TMEM272: variants seen among roughly 807,000 people sequenced by gnomAD.
TMEM272 encodes long intergenic non-protein coding RNA 282.
A neutral mutation model predicts 3.7 loss-of-function variants in TMEM272; 8 were observed. The observed-to-expected ratio is 2.17, with a 90% confidence interval of 1.27 to 3.91. The LOEUF (loss-of-function observed/expected upper bound fraction) is 3.91. TMEM272 is among the 30% of genes most tolerant of loss of function. The probability of loss-of-function intolerance (pLI) is 0.00; values close to 1 mark genes in which losing one functional copy is unlikely to be tolerated. For synonymous variants in TMEM272, 63 were observed against 39.8 expected (o/e 1.58, Z -2.20); for missense variants, 166 against 91.5 (o/e 1.81, Z -3.32).
the TMEM272 span, among the ~76,000 whole-genome samples, chr13:51,876,170 A>T: frequency 6.6e-6 from 1 of 152,192 alleles, no homozygotes; most frequent in Non-Finnish European, 1.5e-5. Flanking sequence ...GGAACCATTT[A>T]TCAGTGCATT....
chr13:51,851,726 T>G, the TMEM272 span, among the ~76,000 whole-genome samples: 5 of 152,206 alleles, frequency 3.3e-5, no homozygotes, highest in African/African-American at 1.2e-4. Flanking sequence ...GGTTTCACTA[T>G]GTTGGCCAGG....
chr13:51,844,243 C>G (rs1471078670), intron 1 of TMEM272, among the ~76,000 whole-genome samples: 1 of 151,744 alleles, frequency 6.6e-6, no homozygotes, highest in East Asian at 1.9e-4. Context: ...TAGACACACA[C>G]ACATATATAT....
intron 2 of TMEM272, among the ~76,000 whole-genome samples, chr13:51,836,648 C>T (rs969337302): frequency 7.9e-5 from 12 of 152,178 alleles, no homozygotes; most frequent in African/African-American, 2.9e-4. Context: ...TGTATGATTA[C>T]TATTTTATTC....
chr13:51,845,875 G>C (rs1206185172), upstream of TMEM272, among the ~76,000 whole-genome samples: 2 of 152,252 alleles, frequency 1.3e-5, no homozygotes, highest in African/African-American at 4.8e-5. Context: ...ACTCTGCTAA[G>C]TCTCCTGTAG....
chr13:51,879,350 C>T, the TMEM272 span, among the ~76,000 whole-genome samples: 7 of 32,272 alleles, frequency 2.2e-4, no homozygotes, highest in African/African-American at 6.2e-4. Flanking sequence ...CTTATGTTAG[C>T]TCATGTTCCT....
At chr13:51,865,465 G>A in the TMEM272 span, 1 of 1,614,186 alleles carries the variant, frequency 6.2e-7, no homozygotes, top group Admixed American at 1.7e-5. Context: ...TCCGGTCCCT[G>A]GCGGCATCCT....
chr13:51,895,972 C>T, the TMEM272 span, among the ~76,000 whole-genome samples: 2 of 152,180 alleles, frequency 1.3e-5, no homozygotes, highest in African/African-American at 2.4e-5. Flanking sequence ...CCTCTTCTAA[C>T]AGCTGCCTGA....
At chr13:51,869,724 G>A in the TMEM272 span, among the ~76,000 whole-genome samples, 7 of 152,000 alleles carry the variant, frequency 4.6e-5, no homozygotes, top group African/African-American at 1.2e-4. Context: ...TCCTGACCTC[G>A]TGATCCGCCC....
the TMEM272 span, among the ~76,000 whole-genome samples, chr13:51,880,338 G>C: frequency 5.3e-5 from 8 of 151,478 alleles, no homozygotes; most frequent in African/African-American, 1.9e-4. Flanking sequence ...AAAGACTGAG[G>C]ATCTATTGAA....
At chr13:51,889,490 G>A in the TMEM272 span, among the ~76,000 whole-genome samples, 1 of 152,312 alleles carries the variant, frequency 6.6e-6, no homozygotes, top group Middle Eastern at 3.4e-3. Context: ...ATGAGAAAGT[G>A]GCCATCTGCA....
chr13:51,927,988 C>T, the TMEM272 span, among the ~76,000 whole-genome samples: 19 of 152,064 alleles, frequency 1.2e-4, no homozygotes, highest in African/African-American at 4.3e-4. Context: ...TCGGGTCTGC[C>T]CCAACTCCAA....
At chr13:51,902,666 C>T in the TMEM272 span, among the ~76,000 whole-genome samples, 85 of 152,330 alleles carry the variant, frequency 5.6e-4, no homozygotes, top group African/African-American at 1.9e-3. Flanking sequence ...CTCAGTCAAG[C>T]CTGCAGGTCA....
rs562979311 is a variant in TMEM272, at chr13:51,820,647, G to A, written c.201+1408C>T. Among the ~76,000 whole-genome samples the A allele has an allele frequency of 2.6e-5, 4 of 152,312 alleles. No homozygotes were observed. The East Asian group carries it at 5.8e-4, about 22-fold the overall frequency. On this transcript the variant is annotated intron_variant, in intron 4 of 4. Coordinates refer to ENST00000629372, the MANE Select transcript of TMEM272 (RefSeq NM_001351003.2). ...GGAAAGTTCTGCTGGGCAGCTTGAC[G>A]ATGAGTGAGAACAGGAGAGGCAGAG...
At chr13:51,879,744 C>T in the TMEM272 span, among the ~76,000 whole-genome samples, 146,561 of 152,308 alleles carry the variant, frequency 0.96, 70,533 homozygotes, top group East Asian at 1. Flanking sequence ...GACTTGCAAA[C>T]GGGCATCGTC....
At chr13:51,867,356 G>C in the TMEM272 span, among the ~76,000 whole-genome samples, 1 of 152,236 alleles carries the variant, frequency 6.6e-6, no homozygotes, top group Non-Finnish European at 1.5e-5. Flanking sequence ...CACAGTGTCT[G>C]TCTCTTGGTA....
intron 2 of TMEM272, among the ~76,000 whole-genome samples, chr13:51,833,781 A>C (rs374973282): frequency 6.6e-6 from 1 of 152,348 alleles, no homozygotes; most frequent in African/African-American, 2.4e-5. Context: ...GTTAGTAAGA[A>C]ATATTGGACC....
chr13:51,888,693 T>C, the TMEM272 span, among the ~76,000 whole-genome samples: 849 of 124,338 alleles, frequency 6.8e-3, 10 homozygotes, highest in African/African-American at 0.024. Flanking sequence ...TCGCCCAGAC[T>C]GGAGTGCAGT....
At chr13:51,908,455 T>C in the TMEM272 span, 2 of 1,529,052 alleles carry the variant, frequency 1.3e-6, no homozygotes, top group Admixed American at 1.7e-5. Context: ...CCAAACATGG[T>C]TCCTGGAGGA....
At chr13:51,893,071 T>C in the TMEM272 span, among the ~76,000 whole-genome samples, 2 of 152,232 alleles carry the variant, frequency 1.3e-5, no homozygotes, top group African/African-American at 4.8e-5. Context: ...TTGAGTTGTC[T>C]GCACACACTC....
Sources: allele counts gnomAD v4.1 joint callset (sites outside exome capture counted in the v4.1 genomes callset), GRCh38; gene constraint gnomAD v4.1.1; transcripts MANE v1.5; gene names NCBI Gene and HGNC (gene_info 2026-07-23, HGNC 2026-07-21).